The following INF2 variants were observed in gnomAD, a reference collection of about 807,000 sequenced individuals.
INF2 encodes the protein inverted formin-2.
In INF2, 43 loss-of-function variants were observed where a neutral mutation model predicts 123.5. The ratio of observed to expected loss-of-function variants is 0.35; its 90% CI spans 0.27 to 0.45. The LOEUF (loss-of-function observed/expected upper bound fraction) is 0.45. INF2 is among the 20% of genes least tolerant of loss of function. INF2 has a pLI of 1.00. For missense variants in INF2, 1,453 were observed against 1,682.7 expected (o/e 0.86, Z 2.39); for synonymous variants, 851 against 745.0 (o/e 1.14, Z -2.32).
rs765864295 is a variant in INF2, at chr14:104,703,567, G to A, written c.667+113G>A. 988 of 1,408,278 alleles carry A rather than the reference G, an allele frequency of 7.0e-4. 1 individual carries two copies. Among genetic ancestry groups the A allele is most frequent in the Non-Finnish European group, 8.4e-4 (850 of 1,011,882 alleles). The allele number at this position is 1,408,278 out of a possible 1,614,324, so 87.2% of individuals were successfully genotyped here. On this transcript the variant is annotated intron_variant, in intron 4 of 22. Coordinates refer to ENST00000392634, the MANE Select transcript of INF2 (RefSeq NM_022489.4). ...CGCCACAAAAGCTGCCCCCGACCCA[G>A]GGCCCCAGAGGAAGGCGCCATCTCG...
At chr14:104,712,636 G>C (rs1890107244) in intron 17 of INF2, 83 bp downstream of exon 17, 1 of 1,593,838 alleles carries the variant, frequency 6.3e-7, no homozygotes, top group Non-Finnish European at 8.6e-7. Flanking sequence ...CTGTCTCCTG[G>C]CTCCAGGGTG....
intron 1 of INF2, chr14:104,681,590 A>G: frequency 7.8e-7 from 1 of 1,288,992 alleles, no homozygotes; most frequent in South Asian, 1.2e-5. Flanking sequence ...AAGGTAAGAG[A>G]TCAGGAACGA....
intron 21 of INF2, 72 bp from the exon 22 acceptor site, chr14:104,715,212 C>A: frequency 6.8e-7 from 1 of 1,481,048 alleles, no homozygotes; most frequent in African/African-American, 1.4e-5. Context: ...GGCCCCCCAG[C>A]CCCACCCACT....
chr14:104,710,061 A>G, intron 12 of INF2, 27 bp from the exon 13 acceptor site: 2 of 1,532,020 alleles, frequency 1.3e-6, no homozygotes, highest in South Asian at 1.2e-5. Context: ...GGTGCAGGCC[A>G]CTGATCCCTG....
Position 104,715,293 on chromosome 14 carries a change from CT to C in INF2, c.3705del (p.Asp1236IlefsTer12). ...TTTTATTTGGAAGCAGAGGTTCCCC[CT>C]GATTCTGATGATAATAAAACAAAGA... ...RPSRSQEEVP[P>X]DSDDNKTKKL... On this transcript the variant is annotated frameshift_variant, in exon 22 of 23. Transcript: ENST00000392634. LOFTEE classifies it high-confidence loss of function. 1.2e-6 allele frequency: 2 copies of C among 1,613,622 alleles called. No homozygotes were observed. Among genetic ancestry groups the C allele is most frequent in the Non-Finnish European group, 1.7e-6 (2 of 1,179,790 alleles).
chr14:104,710,137 G>A lies in INF2; in HGVS notation c.2188G>A (p.Val730Met), dbSNP rs373199310. The change falls in exon 13 of 23, where the codon GTG becomes ATG. Residue 730 changes from valine to methionine, a missense_variant. Around this residue, in one of 8 missense-constraint regions of INF2, gnomAD observed 192 missense variants for 274.4 expected, o/e 0.70. Coordinates refer to ENST00000392634, the MANE Select transcript of INF2 (RefSeq NM_022489.4). ...CMLLCEGAAA[V>M]LDMVRPKAQL... is the part of the protein sequence containing the mutation. Reference sequence around the variant, plus strand: ...GCTGCTGTGTGAGGGCGCGGCCGCCGTGCTGGACATGGTGCGGCCCAAGGC... The same window carrying A: ...GCTGCTGTGTGAGGGCGCGGCCGCCATGCTGGACATGGTGCGGCCCAAGGC... The A allele has an allele frequency of 4.8e-5, 75 of 1,553,304 alleles. 1 individual carries two copies. Among genetic ancestry groups the A allele is most frequent in the East Asian group, 1.9e-4 (8 of 41,178 alleles).
intron 1 of INF2, among the ~76,000 whole-genome samples, chr14:104,696,416 C>A (rs1045092126): frequency 6.6e-6 from 1 of 152,232 alleles, no homozygotes; most frequent in Non-Finnish European, 1.5e-5. Flanking sequence ...TGGGTGGACC[C>A]CCATCCTCAC....
In INF2 at chr14:104,721,161, C is replaced by T. The variant is rs1489963993; in HGVS notation, c.*2368C>T. 2 of 132,698 alleles carry T rather than the reference C, an allele frequency of 1.5e-5. No individual in the cohort carries two copies. The highest frequency in any genetic ancestry group is 6.0e-5 in the African/African-American group (2 of 33,524). The allele number at this position is 132,698 out of a possible 1,614,324, so 8.2% of individuals were successfully genotyped here. ...TCGATGCTGCTGTGGACGTCTGCGT[C>T]GTCCTCGTGTGGATGCTGCTATGGA... On this transcript the variant is annotated 3_prime_UTR_variant, in exon 23 of 23. Transcript: ENST00000392634.
In INF2 at chr14:104,708,482, T is replaced by A; in HGVS notation, c.1782T>A (p.Ala594=). The A allele has an allele frequency of 3.7e-6, 6 of 1,612,464 alleles. No homozygotes were observed. Among genetic ancestry groups the A allele is most frequent in the Non-Finnish European group, 5.1e-6 (6 of 1,179,800 alleles). Residue 594 remains alanine (A), a synonymous_variant, in exon 9 of 23, where the codon GCT becomes GCA. Transcript: ENST00000392634. The part of the protein sequence containing the change: ...WASLSSPDAE[A]VEPDFSSIER... Reference sequence around the variant, plus strand: ...CCCTGAGCAGCCCCGACGCCGAGGCTGTGGAGCCCGACTTCTCCAGCATCG... The same window carrying A: ...CCCTGAGCAGCCCCGACGCCGAGGCAGTGGAGCCCGACTTCTCCAGCATCG...
intron 1 of INF2, among the ~76,000 whole-genome samples, chr14:104,696,724 T>C (rs1053915263): frequency 2.6e-5 from 4 of 151,812 alleles, no homozygotes; most frequent in African/African-American, 4.8e-5. Flanking sequence ...AGTGGAAAAA[T>C]TGGGGCTCTC....
At chr14:104,701,327 C>G in intron 1 of INF2, 30 bp from the exon 2 acceptor site, 1 of 1,546,650 alleles carries the variant, frequency 6.5e-7, no homozygotes, top group East Asian at 2.4e-5. Flanking sequence ...ATCCCCTCCC[C>G]GCTGACGGCT....
chr14:104,711,873 G>A (rs775872745), intron 16 of INF2, among the ~76,000 whole-genome samples, 174 bp downstream of exon 16: 10 of 152,216 alleles, frequency 6.6e-5, no homozygotes, highest in East Asian at 1.9e-4. Context: ...CGGGTCTGCC[G>A]TGGCCTATCC....
chr14:104,709,850 T>C, intron 12 of INF2, 145 bp downstream of exon 12: 1 of 771,344 alleles, frequency 1.3e-6, no homozygotes, highest in Non-Finnish European at 2.2e-6. Context: ...GCGGTTGGGC[T>C]TCTAAACATC....
At chr14:104,709,995 C>T in intron 12 of INF2, 93 bp from the exon 13 acceptor site, 3 of 1,145,142 alleles carry the variant, frequency 2.6e-6, no homozygotes, top group South Asian at 1.3e-5. Context: ...CTCCCTTTGC[C>T]CACCACCCAA....
chr14:104,718,729 G>A (rs1475365989), intron 22 of INF2, 66 bp from the exon 23 acceptor site: 1 of 1,590,154 alleles, frequency 6.3e-7, no homozygotes, highest in African/African-American at 1.4e-5. Flanking sequence ...GCACCCAGAA[G>A]CGGGCACCTG....
chr14:104,721,561 G>C lies in INF2; in HGVS notation c.*2768G>C, dbSNP rs551169717. Reference sequence around the variant, plus strand: ...AACTGCCTAACTGTTTTCCAAAGCAGCTGCACCATTTTTCATTCCCATCCA... The same window carrying C: ...AACTGCCTAACTGTTTTCCAAAGCACCTGCACCATTTTTCATTCCCATCCA... On this transcript the variant is annotated 3_prime_UTR_variant, in exon 23 of 23. Coordinates refer to ENST00000392634, the MANE Select transcript of INF2 (RefSeq NM_022489.4). The C allele has an allele frequency of 3.2e-5, 5 of 154,044 alleles. No homozygotes were observed. The highest frequency in any genetic ancestry group is 1.2e-4 in the African/African-American group (5 of 41,600). 9.5% of individuals were successfully genotyped at this position (154,044 alleles called of 1,614,324 possible). A position where few individuals can be genotyped will look rare whatever the true frequency, so the allele number is the denominator to read the frequency against.
At chr14:104,709,088 G>C (rs1889918778) in intron 10 of INF2, among the ~76,000 whole-genome samples, 193 bp from the exon 11 acceptor site, 1 of 152,170 alleles carries the variant, frequency 6.6e-6, no homozygotes, top group African/African-American at 2.4e-5. Context: ...CCCATGGAGG[G>C]TAGCGAGGGT....
Position 104,707,035 on chromosome 14 carries a change from G to T in INF2, c.969G>T (p.Val323=). ...TGGAGAGCCTCGTGAACCGGGCCGT[G>T]CTCCTGGCCAGCGATGGTGAGGGGG... ...EALESLVNRA[V]LLASDAQECT... is the part of the protein sequence containing the mutation. Residue 323 remains valine (V), a synonymous_variant, in exon 7 of 23, where the codon GTG becomes GTT. Transcript: ENST00000392634. 6.3e-7 allele frequency: 1 copy of T among 1,583,266 alleles called. No individual in the cohort carries two copies. Among genetic ancestry groups the T allele is most frequent in the Admixed American group, 1.7e-5 (1 of 58,000 alleles).
chr14:104,700,089 G>A (rs1021978004), intron 1 of INF2, among the ~76,000 whole-genome samples: 23 of 152,136 alleles, frequency 1.5e-4, no homozygotes, highest in African/African-American at 5.6e-4. Flanking sequence ...AGAGCCTCCT[G>A]GGGAGGCAGG....
Sources: allele counts gnomAD v4.1 joint callset (sites outside exome capture counted in the v4.1 genomes callset), GRCh38; gene constraint gnomAD v4.1.1; regional missense constraint gnomAD v4.1.1; transcripts MANE v1.5; gene names NCBI Gene and HGNC (gene_info 2026-07-23, HGNC 2026-07-21).